The following HRH2 variants were observed in gnomAD, a reference collection of about 807,000 sequenced individuals.
HRH2 encodes histamine H2 receptor.
HRH2 carries 4 observed loss-of-function variants against 20.1 expected under a neutral mutation model. The observed-to-expected ratio is 0.20, with a 90% CI of 0.10 to 0.45. The LOEUF (loss-of-function observed/expected upper bound fraction) is 0.45. Among genes scored for constraint, HRH2 ranks in the 20% least tolerant of loss-of-function variants. The pLI is 0.99. For missense variants in HRH2, 250 were observed against 461.6 expected (o/e 0.54, Z 4.20); for synonymous variants, 197 against 200.7 (o/e 0.98, Z 0.16).
intron 1 of HRH2, among the ~76,000 whole-genome samples, chr5:175,678,844 C>A (rs1380325768): frequency 1.3e-5 from 2 of 152,200 alleles, no homozygotes; most frequent in Non-Finnish European, 2.9e-5. Context: ...GGTTTAAGTA[C>A]TTAAACAGCA....
At chr5:175,676,520 C>G (rs996507374) in intron 1 of HRH2, among the ~76,000 whole-genome samples, 2 of 152,226 alleles carry the variant, frequency 1.3e-5, no homozygotes, top group African/African-American at 4.8e-5. Context: ...GGCTCGTCTC[C>G]GGCTCCTGGG....
At chr5:175,662,636 C>G (rs1762771472) in intron 1 of HRH2, among the ~76,000 whole-genome samples, 1 of 152,124 alleles carries the variant, frequency 6.6e-6, no homozygotes, top group South Asian at 2.1e-4. Flanking sequence ...CAAAGGTGGT[C>G]TTCTTTTTTA....
Position 175,687,711 on chromosome 5 carries a change from T to C in HRH2, c.1076+3402T>C, listed in dbSNP as rs1343891806. Among the ~76,000 whole-genome samples the C allele has an allele frequency of 6.6e-6, 1 of 151,782 alleles. No homozygotes were observed. Among genetic ancestry groups the C allele is most frequent in the Non-Finnish European group, 1.5e-5 (1 of 67,956 alleles). ...CCCTCATCACCTCTCCCCTGCCTCCTCTCAGATACCCCTGCTCCCAGCCGC... is the reference window on the plus strand; with the variant it reads ...CCCTCATCACCTCTCCCCTGCCTCCCCTCAGATACCCCTGCTCCCAGCCGC... On this transcript the variant is annotated intron_variant, in intron 2 of 2. Transcript: ENST00000636584. This position sits in a 1 kb window ranked among gnomAD's most constrained non-coding sequence, Gnocchi z 5.2.
At chr5:175,707,649 T>TCCCCAAGCCCCC in intron 2 of HRH2, 130 bp from the exon 3 acceptor site, 1 of 138,174 alleles carries the variant, frequency 7.2e-6, no homozygotes, top group Non-Finnish European at 1.6e-5. Context: ...GCGGTTCCCC[T>TCCCCAAGCCCCC]CCCCTCCCCA....
intron 2 of HRH2, chr5:175,685,331 C>T (rs1340345122): frequency 5.8e-6 from 8 of 1,371,454 alleles, no homozygotes; most frequent in Non-Finnish European, 8.0e-6. Context: ...CTGAAAAGAG[C>T]AAATGAAAGA....
At chr5:175,667,662 T>G (rs570988237) in intron 1 of HRH2, among the ~76,000 whole-genome samples, 1 of 152,270 alleles carries the variant, frequency 6.6e-6, no homozygotes, top group South Asian at 2.1e-4. Context: ...AATCCTGCTA[T>G]TTTTTGACTT....
At chr5:175,679,414 G>A (rs973984672) in intron 1 of HRH2, among the ~76,000 whole-genome samples, 1 of 152,212 alleles carries the variant, frequency 6.6e-6, no homozygotes, top group Admixed American at 6.5e-5. Context: ...TGGAGGAGGT[G>A]ACAGAGGAGG....
chr5:175,695,884 C>T (rs1160530956), intron 2 of HRH2, among the ~76,000 whole-genome samples: 3 of 152,242 alleles, frequency 2.0e-5, no homozygotes, highest in African/African-American at 7.2e-5. Context: ...CTGAGCCAGT[C>T]AGAGGCTACA....
rs1308965107 is a variant in HRH2 at position 175,677,006 on chromosome 5, CT to C, written c.-525-5697del. Among the ~76,000 whole-genome samples, 4 of 151,836 alleles carry C rather than the reference CT, an allele frequency of 2.6e-5. No individual in the cohort carries two copies. The highest frequency in any genetic ancestry group is 4.4e-5 in the Non-Finnish European group (3 of 67,970). On this transcript the variant is annotated intron_variant, in intron 1 of 2. Transcript: ENST00000636584. This position sits in a 1 kb window ranked among gnomAD's most constrained non-coding sequence, Gnocchi z 4.2. ...TTCCTTTTCTTTTCTTTCTCTCTTT[CT>C]TTTTTGAGGCAGGTTCTCACTCAGT...
In HRH2 at chr5:175,683,286, A is replaced by G. The variant is rs1421016169; in HGVS notation, c.53A>G (p.Lys18Arg). Residue 18 changes from lysine to arginine, a missense_variant, in exon 2 of 3, where the codon AAG (lysine) becomes AGG (arginine). Around this residue, in one of 5 missense-constraint regions of HRH2, gnomAD observed 24 missense variants for 22.9 expected, o/e 1.05. Coordinates refer to ENST00000636584, the MANE Select transcript of HRH2 (RefSeq NM_001367711.1). ...SSFCLDSTAC[K>R]ITITVVLAVL... ...TTTTGCCTGGACTCTACCGCATGCA[A>G]GATCACCATCACCGTGGTCCTTGCG... The G allele has an allele frequency of 2.5e-6, 4 of 1,614,130 alleles. No homozygotes were observed. The highest frequency in any genetic ancestry group is 3.4e-6 in the Non-Finnish European group (4 of 1,180,030).
At chr5:175,675,434 G>A (rs1440169550) in intron 1 of HRH2, among the ~76,000 whole-genome samples, 1 of 152,232 alleles carries the variant, frequency 6.6e-6, no homozygotes, top group African/African-American at 2.4e-5. Flanking sequence ...AGAGGTTGGC[G>A]GGGGCCAATC....
chr5:175,659,618 C>T lies in HRH2; in HGVS notation c.-526+1463C>T, dbSNP rs377236531. 2.0e-5 allele frequency among the ~76,000 whole-genome samples: 3 copies of T among 152,112 alleles called. No individual in the cohort carries two copies. In the East Asian group the frequency reaches 5.8e-4, roughly 29 times the overall value. Reference sequence around the variant, plus strand: ...GTAAATGATTGCCATGTGGTCACACCGGTAGGAAGTGCCTGTTCAGAGACT... The same window carrying T: ...GTAAATGATTGCCATGTGGTCACACTGGTAGGAAGTGCCTGTTCAGAGACT... On this transcript the variant is annotated intron_variant, in intron 1 of 2. Coordinates refer to ENST00000636584, the MANE Select transcript of HRH2 (RefSeq NM_001367711.1).
intron 1 of HRH2, among the ~76,000 whole-genome samples, chr5:175,673,925 G>T (rs936640141): frequency 6.6e-6 from 1 of 151,938 alleles, no homozygotes; most frequent in Non-Finnish European, 1.5e-5. Context: ...GGCTGGTCTC[G>T]AACTCCTGAC....
At chr5:175,672,991 G>T (rs1755610250) in intron 1 of HRH2, among the ~76,000 whole-genome samples, 1 of 151,984 alleles carries the variant, frequency 6.6e-6, no homozygotes, top group African/African-American at 2.4e-5. Flanking sequence ...ACCCACTGAG[G>T]CCTCGGGTGG....
chr5:175,668,001 T>C (rs1350292034), intron 1 of HRH2, among the ~76,000 whole-genome samples: 1 of 152,084 alleles, frequency 6.6e-6, no homozygotes, highest in Non-Finnish European at 1.5e-5. Flanking sequence ...GGATGTGGGG[T>C]TCATCATTCT....
At chr5:175,673,765 G>A (rs1373547562) in intron 1 of HRH2, among the ~76,000 whole-genome samples, 8 of 149,802 alleles carry the variant, frequency 5.3e-5, no homozygotes, top group East Asian at 3.9e-4. Context: ...GTGCAGTGGC[G>A]CAATCTCCGC....
intron 2 of HRH2, among the ~76,000 whole-genome samples, chr5:175,699,322 C>T (rs1756716926): frequency 6.6e-6 from 1 of 152,194 alleles, no homozygotes; most frequent in Admixed American, 6.5e-5. Flanking sequence ...GGGTCGCCTC[C>T]AATTTTAGCA....
intron 2 of HRH2, among the ~76,000 whole-genome samples, chr5:175,705,080 G>A (rs1232095751): frequency 1.3e-5 from 2 of 151,942 alleles, no homozygotes; most frequent in African/African-American, 4.8e-5. Context: ...ATAGATCCTG[G>A]AGGAAAAGAC....
chr5:175,697,205 T>G (rs897299132), intron 2 of HRH2, among the ~76,000 whole-genome samples: 18 of 152,232 alleles, frequency 1.2e-4, no homozygotes, highest in African/African-American at 3.6e-4. Flanking sequence ...GGCTCACGCC[T>G]GTAATCCCAG....
Sources: gnomAD v4.1 joint callset for allele counts (sites outside exome capture counted in the v4.1 genomes callset) on GRCh38, gnomAD v4.1.1 for gene constraint, gnomAD v4.1.1 regional missense constraint, Gnocchi (gnomAD v3.1) non-coding constraint, MANE v1.5 for transcripts, NCBI Gene and HGNC (gene_info 2026-07-23, HGNC 2026-07-21) for gene names.